Variants in CLYBL observed in about 807,000 individuals in gnomAD.
CLYBL encodes the protein citramalyl-CoA lyase, also known as citramalyl-CoA lyase, mitochondrial.
CLYBL carries 31 observed loss-of-function variants against 38.9 expected under a neutral mutation model. The ratio of observed to expected loss-of-function variants is 0.80; its 90% CI spans 0.60 to 1.08. The LOEUF is 1.08. CLYBL is among the 50% of genes least tolerant of loss of function. The pLI is 0.00. For synonymous variants in CLYBL, 171 were observed against 158.6 expected (o/e 1.08, Z -0.59); for missense variants, 434 against 411.6 (o/e 1.05, Z -0.47).
chr13:99,786,781 C>T (rs2049805486), intron 2 of CLYBL, among the ~76,000 whole-genome samples: 1 of 147,994 alleles, frequency 6.8e-6, no homozygotes, highest in Non-Finnish European at 1.5e-5. Flanking sequence ...GGAATCGCCA[C>T]ACTGTCTTCC....
intron 1 of CLYBL, among the ~76,000 whole-genome samples, chr13:99,685,666 A>G (rs1457235298): frequency 6.6e-6 from 1 of 152,142 alleles, no homozygotes; most frequent in East Asian, 1.9e-4. Context: ...CTTCTCTCTC[A>G]AGAACCTCTT....
chr13:99,843,078 G>A (rs2051122778), intron 2 of CLYBL, among the ~76,000 whole-genome samples: 1 of 152,156 alleles, frequency 6.6e-6, no homozygotes, highest in African/African-American at 2.4e-5. Flanking sequence ...GACTGTCCCT[G>A]TCTCGTACAC....
intron 1 of CLYBL, among the ~76,000 whole-genome samples, chr13:99,760,716 A>G (rs1406762979): frequency 6.6e-6 from 1 of 152,196 alleles, no homozygotes; most frequent in East Asian, 1.9e-4. Context: ...CTCTCTTGCT[A>G]TTTTGAAAAT....
intron 1 of CLYBL, among the ~76,000 whole-genome samples, chr13:99,765,206 G>A (rs757858575): frequency 6.6e-6 from 1 of 152,036 alleles, no homozygotes; most frequent in African/African-American, 2.4e-5. Context: ...TTTTTGGATG[G>A]CAGTTTTTTC....
chr13:99,723,941 A>T (rs1156962801), intron 1 of CLYBL, among the ~76,000 whole-genome samples: 2 of 148,570 alleles, frequency 1.3e-5, no homozygotes, highest in Non-Finnish European at 3.0e-5. Flanking sequence ...TAGATTTTTC[A>T]ATTCTCCTCC....
intron 1 of CLYBL, among the ~76,000 whole-genome samples, chr13:99,731,670 G>A (rs531854249): frequency 3.9e-5 from 6 of 152,272 alleles, no homozygotes; most frequent in Admixed American, 6.5e-5. Context: ...AGGGTAGATA[G>A]GTGTTAGCAG....
rs151268704 is a variant in CLYBL at position 99,620,377 on chromosome 13, T to A, written c.62+13620T>A. 4.0e-3 allele frequency among the ~76,000 whole-genome samples: 610 copies of A among 152,280 alleles called. 6 individuals carry two copies. Among genetic ancestry groups the A allele is most frequent in the African/African-American group, 0.014 (584 of 41,548 alleles). On this transcript the variant is annotated intron_variant, in intron 1 of 8. Coordinates refer to ENST00000339105, the MANE Select transcript of CLYBL (RefSeq NM_206808.5). ...ACAGTGCTCTCATAGGGTCTGCCTG[T>A]TCTAGGGCCCATCAGCCAGCAGTCC...
intron 1 of CLYBL, among the ~76,000 whole-genome samples, chr13:99,670,794 T>C (rs2047554697): frequency 6.6e-6 from 1 of 152,218 alleles, no homozygotes; most frequent in African/African-American, 2.4e-5. Context: ...TCATTGGGAA[T>C]ACTGGGCCAT....
At chr13:99,739,186 C>A (rs2048711585) in intron 1 of CLYBL, among the ~76,000 whole-genome samples, 2 of 152,014 alleles carry the variant, frequency 1.3e-5, no homozygotes, top group African/African-American at 4.8e-5. Flanking sequence ...AAATTTTTTT[C>A]TCCTAATTTC....
chr13:99,800,913 A>C lies in CLYBL; in HGVS notation c.249+27903A>C, dbSNP rs1021827105. ...CAACAACAAAAAAAAAAAACAAAAA[A>C]AAAAAAACGTAATTGGGTTTCTGCC... On this transcript the variant is annotated intron_variant, in intron 2 of 8. Coordinates refer to ENST00000339105, the MANE Select transcript of CLYBL (RefSeq NM_206808.5). 9.5e-4 allele frequency among the ~76,000 whole-genome samples: 145 copies of C among 151,976 alleles called. No homozygotes were observed. In the Middle Eastern group the frequency reaches 0.01, roughly 11 times the overall value.
intron 1 of CLYBL, among the ~76,000 whole-genome samples, chr13:99,717,112 C>G (rs566959909): frequency 6.6e-6 from 1 of 151,806 alleles, no homozygotes; most frequent in South Asian, 2.1e-4. Flanking sequence ...TTTCTTGAAC[C>G]GCTTGTATAA....
intron 8 of CLYBL, among the ~76,000 whole-genome samples, chr13:99,903,891 GA>G (rs1352591556): frequency 2.0e-5 from 3 of 151,914 alleles, no homozygotes; most frequent in African/African-American, 7.3e-5. Flanking sequence ...TTAAATTTAA[GA>G]AAATTAGGCT....
intron 1 of CLYBL, among the ~76,000 whole-genome samples, chr13:99,633,447 A>G (rs2046976552): frequency 6.6e-6 from 1 of 150,804 alleles, no homozygotes; most frequent in Admixed American, 6.6e-5. Flanking sequence ...AGGCACAAAA[A>G]TCGCTTGAGC....
intron 1 of CLYBL, among the ~76,000 whole-genome samples, chr13:99,643,801 T>C (rs1249650831): frequency 2.0e-5 from 3 of 151,002 alleles, no homozygotes; most frequent in African/African-American, 7.3e-5. Context: ...AGGTCAGGAG[T>C]TGCAGACCAG....
At chr13:99,611,571 A>G (rs1024014561) in intron 1 of CLYBL, among the ~76,000 whole-genome samples, 33 of 152,368 alleles carry the variant, frequency 2.2e-4, no homozygotes, top group African/African-American at 7.9e-4. Context: ...CTGTGTTCAT[A>G]AGGAATAATC....
chr13:99,745,979 G>C (rs2048843406), intron 1 of CLYBL, among the ~76,000 whole-genome samples: 1 of 151,320 alleles, frequency 6.6e-6, no homozygotes. Flanking sequence ...AGAGAATCTA[G>C]GATGAAAACG....
intron 1 of CLYBL, among the ~76,000 whole-genome samples, chr13:99,658,206 A>G (rs891400275): frequency 1.1e-4 from 16 of 152,246 alleles, no homozygotes; most frequent in Non-Finnish European, 2.1e-4. Flanking sequence ...GGGGACTGCC[A>G]TGGCGCCCCC....
At chr13:99,625,336 G>C (rs909989182) in intron 1 of CLYBL, among the ~76,000 whole-genome samples, 5 of 152,198 alleles carry the variant, frequency 3.3e-5, no homozygotes, top group African/African-American at 1.2e-4. Flanking sequence ...CCAGTGATCA[G>C]CAGGGATTAG....
chr13:99,715,441 C>T (rs573494726), intron 1 of CLYBL, among the ~76,000 whole-genome samples: 12 of 146,188 alleles, frequency 8.2e-5, no homozygotes, highest in Non-Finnish European at 1.8e-4. Flanking sequence ...GAGACAGTCT[C>T]ACTCGGACTG....
Sources: gnomAD v4.1 joint callset for allele counts (sites outside exome capture counted in the v4.1 genomes callset) on GRCh38, gnomAD v4.1.1 for gene constraint, MANE v1.5 for transcripts, NCBI Gene and HGNC (gene_info 2026-07-23, HGNC 2026-07-21) for gene names.